Variants in DZIP3 observed in about 807,000 individuals in gnomAD.
DZIP3 encodes E3 ubiquitin-protein ligase DZIP3.
Under a neutral mutation model 162.0 loss-of-function variants are expected in DZIP3, and 118 were observed. The ratio of observed to expected loss-of-function variants is 0.73; its 90% CI spans 0.63 to 0.85. The LOEUF (loss-of-function observed/expected upper bound fraction) is 0.85, where lower values mean the gene tolerates loss of function less well. Among genes scored for constraint, DZIP3 ranks in the 40% least tolerant of loss-of-function variants. The pLI is 0.00. For synonymous variants in DZIP3, 438 were observed against 458.6 expected, an observed-to-expected ratio of 0.96 and a Z score of 0.57; for missense variants, 1,331 against 1,407.0, an observed-to-expected ratio of 0.95 and a Z score of 0.86.
At chr3:108,633,595 A>G (rs2966565) in intron 9 of DZIP3, among the ~76,000 whole-genome samples, 68 of 128,174 alleles carry the variant, frequency 5.3e-4, no homozygotes, top group African/African-American at 7.9e-4. Flanking sequence ...ATCTATCAGA[A>G]TACTTCTGAT....
intron 19 of DZIP3, among the ~76,000 whole-genome samples, chr3:108,654,940 G>T (rs1943041155): frequency 6.6e-6 from 1 of 152,066 alleles, no homozygotes; most frequent in African/African-American, 2.4e-5. Context: ...GTAATATGTA[G>T]GAATACTCAT....
At chr3:108,667,932 G>A (rs1333230204) in intron 21 of DZIP3, among the ~76,000 whole-genome samples, 1 of 152,054 alleles carries the variant, frequency 6.6e-6, no homozygotes, top group Non-Finnish European at 1.5e-5. Flanking sequence ...AGGCAGAATG[G>A]ACATAATGAC....
rs1442850549 is a variant in DZIP3 at position 108,616,605 on chromosome 3, T to C, written c.323T>C (p.Leu108Ser). ...GTTCCTGCTTTGACTTTACGTTTCT[T>C]GATTACACAGCTAGAAGCAGCACTT... Reference protein sequence around the residue: ...EIVPALTLRFLITQLEAALRN... With the variant: ...EIVPALTLRFSITQLEAALRN... The change falls in exon 5 of 33, where the codon TTG (leucine) becomes TCG (serine). Residue 108 changes from leucine (L) to serine (S), a missense_variant. By Grantham distance (145) the Leu-to-Ser change is moderately radical (BLOSUM62 -2). Coordinates refer to ENST00000361582, the MANE Select transcript of DZIP3 (RefSeq NM_014648.4). The C allele has an allele frequency of 6.2e-7, 1 of 1,611,270 alleles. No homozygotes were observed. Among genetic ancestry groups the C allele is most frequent in the Non-Finnish European group, 8.5e-7 (1 of 1,178,748 alleles).
chr3:108,595,289 G>C (rs1939651281), intron 1 of DZIP3, among the ~76,000 whole-genome samples: 1 of 152,130 alleles, frequency 6.6e-6, no homozygotes, highest in Non-Finnish European at 1.5e-5. Context: ...ATGATTAATA[G>C]CTTATTGCAG....
chr3:108,617,603 A>G (rs1039793970), intron 5 of DZIP3, among the ~76,000 whole-genome samples: 1 of 152,232 alleles, frequency 6.6e-6, no homozygotes, highest in African/African-American at 2.4e-5. Flanking sequence ...AGCCTAAGAC[A>G]TTAAATCTCA....
rs1388397847 is a variant in DZIP3 at position 108,690,911 on chromosome 3, T to G, written c.*6+8T>G. On this transcript the variant is annotated splice_region_variant and intron_variant, in intron 32 of 32. Coordinates refer to ENST00000361582, the MANE Select transcript of DZIP3 (RefSeq NM_014648.4). ...CCCAAGATCTGATACAAGGTCGGGG[T>G]GTCTATGCAAAGGAAGCTCAGTTTT... is the stretch of plus-strand genomic sequence containing the variant. The G allele has an allele frequency of 4.3e-6, 7 of 1,612,286 alleles. No individual in the cohort carries two copies. Among genetic ancestry groups the G allele is most frequent in the Non-Finnish European group, 5.9e-6 (7 of 1,178,566 alleles).
At chr3:108,675,751 AAG>A (rs527464474) in intron 24 of DZIP3, 33 bp from the exon 25 acceptor site, 1,305 of 1,565,168 alleles carry the variant, frequency 8.3e-4, no homozygotes, top group Admixed American at 1.8e-3. Flanking sequence ...TATAAAAAGA[AAG>A]AGTTTTCTTT....
At chr3:108,636,538 T>A in intron 10 of DZIP3, 78 bp from the exon 11 acceptor site, 1 of 957,416 alleles carries the variant, frequency 1.0e-6, no homozygotes, top group Non-Finnish European at 1.5e-6. Context: ...TGCTTCTAAC[T>A]ACATTTATTT....
At chr3:108,607,900 A>G (rs1372067118) in intron 2 of DZIP3, among the ~76,000 whole-genome samples, 189 bp from the exon 3 acceptor site, 1 of 152,162 alleles carries the variant, frequency 6.6e-6, no homozygotes, top group African/African-American at 2.4e-5. Context: ...CCATCCAGTA[A>G]GGGCATGGCC....
rs374587211 is a variant in DZIP3, at chr3:108,678,423, G to A, written c.2883+825G>A. Among the ~76,000 whole-genome samples, 205 of 152,058 alleles carry A rather than the reference G, an allele frequency of 1.3e-3. 1 individual carries two copies. The Middle Eastern group carries it at 0.014, about 10-fold the overall frequency. On this transcript the variant is annotated intron_variant, in intron 26 of 32. Coordinates refer to ENST00000361582, the MANE Select transcript of DZIP3 (RefSeq NM_014648.4). ...CCTGGTGCCGAAAAGATTGGGGACC[G>A]CTGCACGAAATGACTGAAACATCTC...
chr3:108,669,820 C>A, intron 22 of DZIP3, 71 bp downstream of exon 22: 1 of 1,227,104 alleles, frequency 8.1e-7, no homozygotes, highest in Non-Finnish European at 1.2e-6. Context: ...TTCTGGCTGG[C>A]ATATTGATGT....
intron 26 of DZIP3, among the ~76,000 whole-genome samples, chr3:108,681,167 T>A (rs1253923121): frequency 6.6e-6 from 1 of 151,962 alleles, no homozygotes; most frequent in East Asian, 1.9e-4. Context: ...AGGAGAAAAT[T>A]TTTGCAATCT....
chr3:108,594,727 A>G (rs944076389), intron 1 of DZIP3, among the ~76,000 whole-genome samples: 12 of 152,058 alleles, frequency 7.9e-5, no homozygotes, highest in African/African-American at 2.9e-4. Flanking sequence ...GCTAAGGATA[A>G]TGGCCTTCAG....
At chr3:108,599,615 C>T (rs190750070) in intron 1 of DZIP3, among the ~76,000 whole-genome samples, 78 of 152,228 alleles carry the variant, frequency 5.1e-4, no homozygotes, top group African/African-American at 1.9e-3. Flanking sequence ...AACAACTGCA[C>T]AGTGGACCGA....
chr3:108,671,424 T>C (rs1300003170), intron 22 of DZIP3, among the ~76,000 whole-genome samples: 1 of 151,918 alleles, frequency 6.6e-6, no homozygotes, highest in African/African-American at 2.4e-5. Context: ...TTGGTTTGTA[T>C]GCTTATAGAA....
intron 12 of DZIP3, among the ~76,000 whole-genome samples, chr3:108,639,275 A>G (rs1942286618): frequency 6.6e-6 from 1 of 152,270 alleles, no homozygotes; most frequent in South Asian, 2.1e-4. Context: ...AGCACATAGC[A>G]TAATATCTGG....
Position 108,608,128 on chromosome 3 carries a change from G to A in DZIP3, c.72G>A (p.Glu24=), listed in dbSNP as rs546154297. ...AGGATCAGAGGAAGGAAGAAACTGA[G>A]AATAAGCTAGAAAAATCATCTGGTC... ...AVEDQRKEET[E]NKLEKSSGQL... is the part of the protein sequence containing the mutation. Residue 24 remains glutamate, a synonymous_variant, in exon 3 of 33, where the codon GAG becomes GAA. Transcript: ENST00000361582. 6.2e-7 allele frequency: 1 copy of A among 1,613,006 alleles called. No individual in the cohort carries two copies. Among genetic ancestry groups the A allele is most frequent in the Admixed American group, 1.7e-5 (1 of 59,928 alleles).
chr3:108,611,646 G>C (rs1469454763), intron 4 of DZIP3, among the ~76,000 whole-genome samples: 1 of 152,088 alleles, frequency 6.6e-6, no homozygotes. Context: ...ACAGGGGACT[G>C]CTTTTGTTCT....
At chr3:108,600,788 T>C (rs779561804) in intron 1 of DZIP3, among the ~76,000 whole-genome samples, 13 of 152,132 alleles carry the variant, frequency 8.5e-5, no homozygotes, top group Non-Finnish European at 1.9e-4. Context: ...AAGGAGGTAC[T>C]GTTGTACCTC....
Sources: allele counts gnomAD v4.1 joint callset (sites outside exome capture counted in the v4.1 genomes callset), GRCh38; gene constraint gnomAD v4.1.1; transcripts MANE v1.5; gene names NCBI Gene and HGNC (gene_info 2026-07-23, HGNC 2026-07-21).